Variants in SIPA1L1 observed in about 807,000 individuals in gnomAD.
The protein encoded by SIPA1L1 is signal induced proliferation associated 1 like 1, also known as signal-induced proliferation-associated 1-like protein 1.
Under a neutral mutation model 162.7 loss-of-function variants are expected in SIPA1L1, and 26 were observed. The observed-to-expected ratio is 0.16, with a 90% CI of 0.12 to 0.22. The LOEUF (loss-of-function observed/expected upper bound fraction) is 0.22. SIPA1L1 is among the 10% of genes least tolerant of loss of function. The pLI is 1.00. For missense variants in SIPA1L1, 1,874 were observed against 2,241.0 expected (o/e 0.84, Z 3.31); for synonymous variants, 829 against 837.4 (o/e 0.99, Z 0.17).
intron 2 of SIPA1L1, among the ~76,000 whole-genome samples, chr14:71,430,420 G>A (rs189623888): frequency 6.6e-5 from 10 of 152,114 alleles, no homozygotes; most frequent in African/African-American, 2.2e-4. Context: ...CAATAGTTAC[G>A]TCTGTTCCAT....
At chr14:71,634,664 C>T (rs1046503261) in intron 7 of SIPA1L1, among the ~76,000 whole-genome samples, 11 of 151,978 alleles carry the variant, frequency 7.2e-5, no homozygotes, top group South Asian at 2.1e-4. Flanking sequence ...TGGCCGGGCG[C>T]GGTGGCTCAC....
chr14:71,380,275 A>G (rs1470862388), intron 2 of SIPA1L1, among the ~76,000 whole-genome samples: 1 of 152,252 alleles, frequency 6.6e-6, no homozygotes, highest in East Asian at 1.9e-4. Flanking sequence ...GTTCTTGTAG[A>G]TAACTTTTAG....
chr14:71,399,734 A>T (rs974759558), intron 2 of SIPA1L1, among the ~76,000 whole-genome samples: 4 of 147,168 alleles, frequency 2.7e-5, no homozygotes, highest in South Asian at 4.3e-4. Flanking sequence ...TATTTATTTT[A>T]TTTTTTTTTG....
intron 3 of SIPA1L1, among the ~76,000 whole-genome samples, chr14:71,527,522 A>G (rs114290862): frequency 0.013 from 1,932 of 152,144 alleles, 15 homozygotes; most frequent in Middle Eastern, 0.027. Context: ...ATTAATTTGT[A>G]AGGAGTTCTT....
rs774351095 is a variant in SIPA1L1, at chr14:71,401,397, CT to C, written c.-465+80229del. On this transcript the variant is annotated intron_variant, in intron 2 of 23. Transcript: ENST00000381232. ...GGATAAATATAAAATAAAAAGGCTG[CT>C]TTTTTTTTTTTTAGTGTTACTTAAA... Among the ~76,000 whole-genome samples the C allele has an allele frequency of 7.2e-3, 977 of 135,518 alleles. 3 individuals carry two copies. The highest frequency in any genetic ancestry group is 0.013 in the African/African-American group (479 of 37,038). The allele number at this position is 135,518 out of a possible 152,430, so 88.9% of individuals were successfully genotyped here.
At chr14:71,542,080 T>A (rs2054435196) in intron 4 of SIPA1L1, among the ~76,000 whole-genome samples, 1 of 152,132 alleles carries the variant, frequency 6.6e-6, no homozygotes, top group Non-Finnish European at 1.5e-5. Flanking sequence ...TCCTTATTTC[T>A]ATATTTTTAT....
chr14:71,464,771 A>T (rs1404341259), intron 2 of SIPA1L1, among the ~76,000 whole-genome samples: 1 of 152,136 alleles, frequency 6.6e-6, no homozygotes, highest in Non-Finnish European at 1.5e-5. Flanking sequence ...ATCCATTCCC[A>T]TGGCTGTTCT....
chr14:71,697,659 G>A (rs1325928510), intron 13 of SIPA1L1, among the ~76,000 whole-genome samples: 1 of 152,240 alleles, frequency 6.6e-6, no homozygotes, highest in East Asian at 1.9e-4. Context: ...GGGCTCTCAA[G>A]TCAGATCTGC....
intron 3 of SIPA1L1, among the ~76,000 whole-genome samples, chr14:71,527,484 G>A (rs558147698): frequency 1.3e-5 from 2 of 152,212 alleles, no homozygotes; most frequent in East Asian, 3.9e-4. Flanking sequence ...TGGGATTACA[G>A]ACATGAGCTA....
At chr14:71,685,656 T>C in intron 13 of SIPA1L1, 25 bp downstream of exon 13, 2 of 1,610,986 alleles carry the variant, frequency 1.2e-6, no homozygotes, top group Non-Finnish European at 1.7e-6. Flanking sequence ...AAAGGTTTGC[T>C]CTATCTCTCT....
chr14:71,623,046 A>G (rs1028312700), intron 6 of SIPA1L1, among the ~76,000 whole-genome samples: 21 of 152,148 alleles, frequency 1.4e-4, no homozygotes, highest in African/African-American at 4.3e-4. Flanking sequence ...GCCATTTCCT[A>G]AAACCCCTCC....
chr14:71,429,099 A>G (rs2043795766), intron 2 of SIPA1L1, among the ~76,000 whole-genome samples: 1 of 152,202 alleles, frequency 6.6e-6, no homozygotes, highest in South Asian at 2.1e-4. Context: ...ATTTTAATTT[A>G]GTAATAGTTG....
chr14:71,649,552 A>C (rs1205037901), intron 7 of SIPA1L1, among the ~76,000 whole-genome samples: 1 of 152,174 alleles, frequency 6.6e-6, no homozygotes, highest in African/African-American at 2.4e-5. Flanking sequence ...AACACCTTAA[A>C]ATTTCTTTGC....
chr14:71,432,133 G>A (rs1175782130), intron 2 of SIPA1L1, among the ~76,000 whole-genome samples: 1 of 151,796 alleles, frequency 6.6e-6, no homozygotes, highest in African/African-American at 2.4e-5. Context: ...AGAGTACATT[G>A]GCGTGATCAC....
intron 2 of SIPA1L1, among the ~76,000 whole-genome samples, chr14:71,382,097 T>G (rs992346363): frequency 1.3e-5 from 2 of 152,228 alleles, no homozygotes; most frequent in Non-Finnish European, 2.9e-5. Flanking sequence ...CAATCCAAGT[T>G]AACATTTTTT....
intron 7 of SIPA1L1, among the ~76,000 whole-genome samples, chr14:71,645,813 T>C (rs2042107112): frequency 6.6e-6 from 1 of 152,208 alleles, no homozygotes; most frequent in South Asian, 2.1e-4. Flanking sequence ...GATGTCATGA[T>C]CCATCACTCC....
chr14:71,634,402 C>CAAA (rs78425751), intron 7 of SIPA1L1, among the ~76,000 whole-genome samples: 1 of 81,354 alleles, frequency 1.2e-5, no homozygotes, highest in Non-Finnish European at 2.4e-5. Context: ...AACTCCATTT[C>CAAA]AAAAAAAAAA....
chr14:71,565,135 A>G (rs2030142589), intron 4 of SIPA1L1, among the ~76,000 whole-genome samples: 1 of 152,076 alleles, frequency 6.6e-6, no homozygotes, highest in Non-Finnish European at 1.5e-5. Context: ...GGAAATTCTC[A>G]TTTTTATCCT....
rs550757608 is a variant in SIPA1L1 at position 71,377,649 on chromosome 14, G to C, written c.-465+56468G>C. Reference sequence around the variant, plus strand: ...GCGGCTGGGAGGTGGAGGTTGTAGCGAGCTGAGATCACGCCACTGCACTCC... The same window carrying C: ...GCGGCTGGGAGGTGGAGGTTGTAGCCAGCTGAGATCACGCCACTGCACTCC... On this transcript the variant is annotated intron_variant, in intron 2 of 23. Coordinates refer to ENST00000381232, the MANE Select transcript of SIPA1L1 (RefSeq NM_001386936.1). This position sits in a 1 kb window ranked among gnomAD's most constrained non-coding sequence, Gnocchi z 4.8. Among the ~76,000 whole-genome samples, 1 of 152,170 alleles carries C rather than the reference G, an allele frequency of 6.6e-6. No individual in the cohort carries two copies. The highest frequency in any genetic ancestry group is 1.5e-5 in the Non-Finnish European group (1 of 68,038).
Sources: allele counts gnomAD v4.1 joint callset (sites outside exome capture counted in the v4.1 genomes callset), GRCh38; gene constraint gnomAD v4.1.1; non-coding constraint Gnocchi (gnomAD v3.1); transcripts MANE v1.5; gene names NCBI Gene and HGNC (gene_info 2026-07-23, HGNC 2026-07-21).